LRGUK: variants seen among roughly 807,000 people sequenced by gnomAD.
LRGUK encodes leucine-rich repeat and guanylate kinase domain-containing protein.
In LRGUK, 65 loss-of-function variants were observed where a neutral mutation model predicts 76.0. That is an observed-to-expected ratio of 0.85 (90% CI 0.70 to 1.05). The LOEUF (loss-of-function observed/expected upper bound fraction) is 1.05, where lower values mean the gene tolerates loss of function less well. LRGUK is among the 50% of genes least tolerant of loss of function. The pLI is 0.00. For synonymous variants in LRGUK, 268 were observed against 265.6 expected (o/e 1.01, Z -0.09); for missense variants, 758 against 732.8 (o/e 1.03, Z -0.40).
rs146200902 is a variant in LRGUK at position 134,137,084 on chromosome 7, G to A, written c.359G>A (p.Arg120His). The change falls in exon 2 of 16, where the codon CGC becomes CAC. Residue 120 changes from arginine (R) to histidine (H), a missense_variant. Transcript: ENST00000645682. ...GCCAAAGCACTCCATCACTTGGGGC[G>A]CTCAGGCTCTGGGACTGAGCAAGTC... The A allele has an allele frequency of 4.0e-4, 640 of 1,613,228 alleles. 3 individuals are homozygous for A. In the African/African-American group the frequency reaches 7.5e-3, roughly 19 times the overall value.
intron 4 of LRGUK, among the ~76,000 whole-genome samples, chr7:134,146,627 T>A (rs926334332): frequency 6.6e-6 from 1 of 152,240 alleles, no homozygotes; most frequent in Admixed American, 6.5e-5. Flanking sequence ...TGCTAACTTG[T>A]ATTTTACTAA....
intron 19 of LRGUK, among the ~76,000 whole-genome samples, chr7:134,262,424 C>T (rs796718039): frequency 1.9e-4 from 29 of 152,230 alleles, no homozygotes; most frequent in African/African-American, 6.3e-4. Flanking sequence ...ACCTTTATTC[C>T]TATTTTTTTA....
chr7:134,146,581 A>G (rs971740187), intron 4 of LRGUK, among the ~76,000 whole-genome samples: 1 of 152,098 alleles, frequency 6.6e-6, no homozygotes, highest in Non-Finnish European at 1.5e-5. Context: ...TTTTAATAAC[A>G]CTTTTATTTG....
intron 15 of LRGUK, among the ~76,000 whole-genome samples, chr7:134,218,946 T>A (rs1801506355): frequency 6.6e-6 from 1 of 152,200 alleles, no homozygotes; most frequent in Non-Finnish European, 1.5e-5. Context: ...ACTTTAAAAA[T>A]CTGCCTGGGA....
intron 3 of LRGUK, 150 bp downstream of exon 3, chr7:134,139,667 A>T: frequency 1.8e-6 from 1 of 548,944 alleles, no homozygotes. Flanking sequence ...TAAAAAAGGC[A>T]CCGATAACTG....
At chr7:134,222,765 T>C (rs1801633889) in intron 16 of LRGUK, among the ~76,000 whole-genome samples, 1 of 152,096 alleles carries the variant, frequency 6.6e-6, no homozygotes, top group African/African-American at 2.4e-5. Flanking sequence ...TGCGCCACCA[T>C]GCCTAGCTAA....
At chr7:134,189,064 G>A (rs975998684) in intron 11 of LRGUK, among the ~76,000 whole-genome samples, 1 of 152,042 alleles carries the variant, frequency 6.6e-6, no homozygotes, top group Non-Finnish European at 1.5e-5. Context: ...ACTTGGTTTG[G>A]TAGTAGCTTC....
rs1311721105 is a variant in LRGUK at position 134,176,046 on chromosome 7, G to A, written c.1021-931G>A. 3.3e-5 allele frequency among the ~76,000 whole-genome samples: 5 copies of A among 152,252 alleles called. No individual in the cohort carries two copies. The East Asian group carries it at 5.8e-4, about 18-fold the overall frequency. ...CTGGCCACGGGATCTTAGATGAGAC[G>A]CTTCACTTTTCTGAGGCTTGGTAGC... is the stretch of plus-strand genomic sequence containing the variant. On this transcript the variant is annotated intron_variant, in intron 8 of 15. Coordinates refer to ENST00000645682, the Ensembl canonical transcript of LRGUK.
rs546832338 is a variant in LRGUK, at chr7:134,174,643, C to T, written c.1020+7C>T. ...TCTAGAAAATCCAATTCAGGTGAGA[C>T]ATTATTTATATCAGGGAGGGAGACA... is the stretch of plus-strand genomic sequence containing the variant. On this transcript the variant is annotated splice_region_variant and intron_variant, in intron 8 of 15. Transcript: ENST00000645682. 310 of 1,511,518 alleles carry T rather than the reference C, an allele frequency of 2.1e-4. 4 individuals carry two copies. In the South Asian group the frequency reaches 3.3e-3, roughly 16 times the overall value. The allele number at this position is 1,511,518 out of a possible 1,614,324, so 93.6% of individuals were successfully genotyped here.
chr7:134,218,109 A>G lies in LRGUK; in HGVS notation c.1844-3670A>G, dbSNP rs553084413. Among the ~76,000 whole-genome samples, 20 of 152,140 alleles carry G rather than the reference A, an allele frequency of 1.3e-4. No homozygotes were observed. In the South Asian group the frequency reaches 4.2e-3, roughly 32 times the overall value. On this transcript the variant is annotated intron_variant, in intron 15 of 19. Coordinates refer to the LRGUK transcript ENST00000285928. ...CCCGAGTAGCTGGGATTACAGGTGC[A>G]TGCTACCATGCTCAGCTAATTTTTA...
At chr7:134,179,214 CAG>C (rs1296680525) in intron 10 of LRGUK, among the ~76,000 whole-genome samples, 2 of 152,268 alleles carry the variant, frequency 1.3e-5, no homozygotes, top group African/African-American at 4.8e-5. Context: ...AACACATGAA[CAG>C]AGTCTCTCAC....
At chr7:134,190,951 T>TAAGCAGTTCTG (rs1554467166) in intron 11 of LRGUK, among the ~76,000 whole-genome samples, 4 of 40,826 alleles carry the variant, frequency 9.8e-5, no homozygotes, top group Non-Finnish European at 1.2e-4. Flanking sequence ...AGCGGTGTGG[T>TAAGCAGTTCTG]GGGATGGGGA....
intron 19 of LRGUK, among the ~76,000 whole-genome samples, chr7:134,259,439 C>A (rs1802666118): frequency 2.0e-5 from 3 of 152,052 alleles, no homozygotes; most frequent in African/African-American, 7.2e-5. Flanking sequence ...GACAGAGCCA[C>A]CATTTGTAGT....
rs147296011 is a variant in LRGUK at position 134,178,849 on chromosome 7, G to A, written c.1214+240G>A. On this transcript the variant is annotated intron_variant, in intron 10 of 15. Coordinates refer to ENST00000645682, the Ensembl canonical transcript of LRGUK. ...TTGCTGGTATTTTCCCAAGCATGGT[G>A]ATGAGTTGATTCACCTTCACTAGTT... Among the ~76,000 whole-genome samples, 248 of 136,638 alleles carry A rather than the reference G, an allele frequency of 1.8e-3. 1 individual carries two copies. Among genetic ancestry groups the A allele is most frequent in the African/African-American group, 6.2e-3 (227 of 36,634 alleles). The allele number at this position is 136,638 out of a possible 152,430, so 89.6% of individuals were successfully genotyped here. A position where few individuals can be genotyped will look rare whatever the true frequency, so the allele number is the denominator to read the frequency against.
intron 18 of LRGUK, among the ~76,000 whole-genome samples, chr7:134,254,598 C>T (rs1802528589): frequency 6.6e-6 from 1 of 152,146 alleles, no homozygotes; most frequent in African/African-American, 2.4e-5. Context: ...GCCTCACCCT[C>T]ATAACCTAAG....
At chr7:134,199,170 T>C in intron 13 of LRGUK, 50 bp from the exon 14 acceptor site, 1 of 1,508,888 alleles carries the variant, frequency 6.6e-7, no homozygotes, top group Non-Finnish European at 9.2e-7. Context: ...CAAAATGATT[T>C]CTAAATCATG....
chr7:134,127,405 C>A, exon 1 of LRGUK: 2 of 1,613,724 alleles, frequency 1.2e-6, no homozygotes, highest in Non-Finnish European at 1.7e-6. Context: ...AGGACCAGAG[C>A]TGCCTCTCTC....
At chr7:134,190,289 C>T (rs563497115) in intron 11 of LRGUK, among the ~76,000 whole-genome samples, 1 of 152,290 alleles carries the variant, frequency 6.6e-6, no homozygotes, top group East Asian at 1.9e-4. Context: ...TTGCTGCAGC[C>T]TCAAACTCCT....
intron 2 of LRGUK, among the ~76,000 whole-genome samples, chr7:134,138,775 C>A (rs1347107474): frequency 6.6e-6 from 1 of 152,138 alleles, no homozygotes; most frequent in Non-Finnish European, 1.5e-5. Context: ...CTGAAGTTGA[C>A]TAGAATCAAG....
Sources: allele counts gnomAD v4.1 joint callset (sites outside exome capture counted in the v4.1 genomes callset), GRCh38; gene constraint gnomAD v4.1.1; transcripts MANE v1.5; gene names NCBI Gene and HGNC (gene_info 2026-07-23, HGNC 2026-07-21).